RAB27A: variants seen among roughly 807,000 people sequenced by gnomAD.
The protein encoded by RAB27A is RAB27A, member RAS oncogene family.
In RAB27A, 17 loss-of-function variants were observed where a neutral mutation model predicts 20.8. The ratio of observed to expected loss-of-function variants is 0.82; its 90% CI spans 0.56 to 1.23. The LOEUF (loss-of-function observed/expected upper bound fraction) is 1.23, where lower values mean the gene tolerates loss of function less well. RAB27A is among the 50% of genes most tolerant of loss of function. The pLI is 0.00. For missense variants in RAB27A, 277 were observed against 266.7 expected, an observed-to-expected ratio of 1.04 and a Z score of -0.27; for synonymous variants, 85 against 92.8, an observed-to-expected ratio of 0.92 and a Z score of 0.48.
intron 5 of RAB27A, 27 bp from the exon 6 acceptor site, chr15:55,224,039 T>C: frequency 2.7e-6 from 4 of 1,498,294 alleles, no homozygotes; most frequent in East Asian, 2.3e-5. Context: ...GTTTATTATA[T>C]ATGTAAATAA....
intron 2 of RAB27A, among the ~76,000 whole-genome samples, chr15:55,239,300 A>G (rs1896388535): frequency 6.6e-6 from 1 of 152,208 alleles, no homozygotes; most frequent in African/African-American, 2.4e-5. Flanking sequence ...AAATGTTTCA[A>G]ATTAATTTCA....
At chr15:55,257,445 C>T (rs1281012697) in intron 2 of RAB27A, among the ~76,000 whole-genome samples, 3 of 152,204 alleles carry the variant, frequency 2.0e-5, no homozygotes, top group African/African-American at 7.2e-5. Flanking sequence ...CAGCAGGGTG[C>T]TCTCAGCCAA....
chr15:55,241,644 T>G lies in RAB27A; in HGVS notation c.-22-6688A>C, dbSNP rs865960856. 1.6e-3 allele frequency among the ~76,000 whole-genome samples: 148 copies of G among 93,328 alleles called. 3 individuals carry two copies. Among genetic ancestry groups the G allele is most frequent in the African/African-American group, 5.7e-3 (46 of 8,072 alleles). 61.2% of individuals were successfully genotyped at this position (93,328 alleles called of 152,430 possible). On this transcript the variant is annotated intron_variant, in intron 2 of 6. Coordinates refer to ENST00000336787, the MANE Select transcript of RAB27A (RefSeq NM_183235.3). ...TATATATGTGTGTATATATATTTGT[T>G]TTTTTTTTTATAAATTAGGCAGGTG...
intron 3 of RAB27A, among the ~76,000 whole-genome samples, chr15:55,232,476 A>G (rs1896071326): frequency 6.6e-6 from 1 of 152,250 alleles, no homozygotes; most frequent in Non-Finnish European, 1.5e-5. Context: ...GCGCAGGAAA[A>G]AAACAACGAA....
In RAB27A at chr15:55,233,467, G is replaced by A. The variant is rs149228839; in HGVS notation, c.153+1315C>T. 3.9e-3 allele frequency among the ~76,000 whole-genome samples: 597 copies of A among 152,216 alleles called. 3 individuals are homozygous for A. The highest frequency in any genetic ancestry group is 6.3e-3 in the Non-Finnish European group (430 of 68,004). On this transcript the variant is annotated intron_variant, in intron 3 of 6. Coordinates refer to ENST00000336787, the MANE Select transcript of RAB27A (RefSeq NM_183235.3). ...CAGACAAATGGATAAACAAAATGGTGTATCAATACAATAGAATATTATGTA... is the reference window on the plus strand; with the variant it reads ...CAGACAAATGGATAAACAAAATGGTATATCAATACAATAGAATATTATGTA...
At chr15:55,314,710 A>T (rs2055035872) in intron 1 of RAB27A, among the ~76,000 whole-genome samples, 1 of 152,210 alleles carries the variant, frequency 6.6e-6, no homozygotes, top group Non-Finnish European at 1.5e-5. Flanking sequence ...CTTACAAGGG[A>T]TGTGAAGGAC....
intron 2 of RAB27A, among the ~76,000 whole-genome samples, chr15:55,264,898 A>G (rs1040099190): frequency 3.3e-5 from 5 of 152,228 alleles, no homozygotes; most frequent in African/African-American, 1.2e-4. Context: ...GAAGAGCAAC[A>G]GTCTAATAGG....
At chr15:55,236,010 T>G (rs7173971) in intron 2 of RAB27A, among the ~76,000 whole-genome samples, 8,491 of 151,816 alleles carry the variant, frequency 0.056, 822 homozygotes, top group African/African-American at 0.2. Flanking sequence ...GGGACTCGGG[T>G]GGAAAGGGTG....
chr15:55,291,418 G>A (rs113936703), upstream of RAB27A, among the ~76,000 whole-genome samples: 2 of 151,224 alleles, frequency 1.3e-5, no homozygotes, highest in Admixed American at 6.6e-5. Context: ...GCTGAGGGCA[G>A]GAGAATCGCT....
intron 6 of RAB27A, among the ~76,000 whole-genome samples, chr15:55,214,563 T>A (rs1895191810): frequency 6.6e-6 from 1 of 152,234 alleles, no homozygotes; most frequent in African/African-American, 2.4e-5. Context: ...TATTCTATCA[T>A]CCTTTTATTT....
intron 2 of RAB27A, among the ~76,000 whole-genome samples, chr15:55,244,891 T>G (rs964080161): frequency 6.6e-5 from 10 of 152,198 alleles, no homozygotes; most frequent in African/African-American, 1.9e-4. Flanking sequence ...TACTTTTATG[T>G]TTAACGTTAA....
At position 55,304,338 on chromosome 15, in the gene RAB27A, G is replaced by A. The variant is rs549220040; in HGVS notation, c.-112+9701C>T. ...ACACAAACACTGCGGAAGGCCGCAG[G>A]GTCCTCTGCCTAGGAAAACCAGAGA... On this transcript the variant is annotated intron_variant, in intron 2 of 5. Transcript: ENST00000563262. 9.1e-3 allele frequency among the ~76,000 whole-genome samples: 1,378 copies of A among 151,134 alleles called. 9 individuals carry two copies. The highest frequency in any genetic ancestry group is 0.014 in the Middle Eastern group (4 of 294).
intron 6 of RAB27A, among the ~76,000 whole-genome samples, chr15:55,216,481 G>A (rs116617477): frequency 0.019 from 2,954 of 152,118 alleles, 101 homozygotes; most frequent in African/African-American, 0.067. Flanking sequence ...GCAGTGAGCC[G>A]AGGCGGTGCT....
chr15:55,265,250 A>AAG (rs1566928587), intron 2 of RAB27A, among the ~76,000 whole-genome samples: 2 of 151,818 alleles, frequency 1.3e-5, no homozygotes, highest in African/African-American at 2.4e-5. Context: ...TCAAAGAAAA[A>AAG]AAGAAGAAGA....
intron 1 of RAB27A, among the ~76,000 whole-genome samples, chr15:55,318,443 G>A (rs1293384785): frequency 6.8e-6 from 1 of 146,430 alleles, no homozygotes; most frequent in East Asian, 2.3e-4. Context: ...GGTGGCTCAC[G>A]CCTGTAATCC....
chr15:55,207,208 TA>T (rs60419620), intron 6 of RAB27A, among the ~76,000 whole-genome samples: 40,683 of 152,026 alleles, frequency 0.27, 7,071 homozygotes, highest in African/African-American at 0.5. Context: ...TATAAACTGT[TA>T]ATAACTACTT....
chr15:55,288,275 C>T (rs1898209636), intron 1 of RAB27A, among the ~76,000 whole-genome samples: 1 of 152,144 alleles, frequency 6.6e-6, no homozygotes. Flanking sequence ...AATCCCAGCA[C>T]TTTGGGAGGC....
At chr15:55,318,574 C>T (rs1166995116) in intron 1 of RAB27A, among the ~76,000 whole-genome samples, 1 of 151,088 alleles carries the variant, frequency 6.6e-6, no homozygotes, top group Non-Finnish European at 1.5e-5. Flanking sequence ...CGTGGTGGCG[C>T]GCCTGTAGTC....
At chr15:55,294,826 A>G (rs1046043402) in intron 2 of RAB27A, among the ~76,000 whole-genome samples, 1 of 152,122 alleles carries the variant, frequency 6.6e-6, no homozygotes, top group Non-Finnish European at 1.5e-5. Flanking sequence ...AGAAGAAAAG[A>G]GTAGATTAAT....
Sources: allele counts gnomAD v4.1 joint callset (sites outside exome capture counted in the v4.1 genomes callset), GRCh38; gene constraint gnomAD v4.1.1; transcripts MANE v1.5; gene names NCBI Gene and HGNC (gene_info 2026-07-23, HGNC 2026-07-21).